TCF7L1: variants seen among roughly 807,000 people sequenced by gnomAD.
TCF7L1 encodes transcription factor 7 like 1.
A neutral mutation model predicts 63.7 loss-of-function variants in TCF7L1; 18 were observed. That is an observed-to-expected ratio of 0.28 (90% CI 0.20 to 0.42). The LOEUF (loss-of-function observed/expected upper bound fraction) is 0.42, where lower values mean the gene tolerates loss of function less well. TCF7L1 is among the 10% of genes least tolerant of loss of function. The pLI is 1.00. For missense variants in TCF7L1, 654 were observed against 779.3 expected (o/e 0.84, Z 1.91); for synonymous variants, 355 against 340.9 (o/e 1.04, Z -0.46).
chr2:85,260,481 GA>G lies in TCF7L1; in HGVS notation c.442-23004del, dbSNP rs1306949210. Reference sequence around the variant, plus strand: ...GTGAGACCTCGTCTCTACAATACAGGAAAAAAAAAATTAGCAGGGCATGGTG... The same window carrying G: ...GTGAGACCTCGTCTCTACAATACAGGAAAAAAAAATTAGCAGGGCATGGTG... On this transcript the variant is annotated intron_variant, in intron 3 of 11. Transcript: ENST00000282111. Among the ~76,000 whole-genome samples, 4 of 149,370 alleles carry G rather than the reference GA, an allele frequency of 2.7e-5. No homozygotes were observed. The East Asian group carries it at 5.9e-4, about 22-fold the overall frequency.
intron 4 of TCF7L1, among the ~76,000 whole-genome samples, chr2:85,300,008 T>C (rs1436818465): frequency 6.6e-6 from 1 of 152,162 alleles, no homozygotes; most frequent in Non-Finnish European, 1.5e-5. Context: ...GATACAATTA[T>C]GATATAGTTT....
At chr2:85,177,146 TG>T (rs1678693627) in intron 3 of TCF7L1, among the ~76,000 whole-genome samples, 3 of 152,150 alleles carry the variant, frequency 2.0e-5, no homozygotes, top group African/African-American at 7.2e-5. Flanking sequence ...AGTTGCAGAC[TG>T]CTGACTTCTT....
chr2:85,180,778 C>A (rs978027119), intron 3 of TCF7L1, among the ~76,000 whole-genome samples: 10 of 152,218 alleles, frequency 6.6e-5, no homozygotes, highest in African/African-American at 2.2e-4. Context: ...GCAGCCCCAA[C>A]ACATAGGTTA....
intron 3 of TCF7L1, among the ~76,000 whole-genome samples, chr2:85,163,105 G>T (rs1432919940): frequency 6.6e-6 from 1 of 152,134 alleles, no homozygotes; most frequent in Non-Finnish European, 1.5e-5. Context: ...AACCCTGGCT[G>T]CACATTTGAA....
intron 3 of TCF7L1, among the ~76,000 whole-genome samples, chr2:85,219,669 C>T (rs1401949278): frequency 2.6e-5 from 4 of 152,034 alleles, no homozygotes; most frequent in Non-Finnish European, 5.9e-5. Flanking sequence ...CACTTGAACC[C>T]AGGAGTTTAA....
chr2:85,168,194 CA>C (rs2104231490), intron 3 of TCF7L1, among the ~76,000 whole-genome samples: 1 of 131,206 alleles, frequency 7.6e-6, no homozygotes, highest in African/African-American at 3.2e-5. Flanking sequence ...TCTTACCAAA[CA>C]CACACACACA....
At chr2:85,262,390 AAG>A in intron 3 of TCF7L1, 1 of 399,502 alleles carries the variant, frequency 2.5e-6, no homozygotes, top group South Asian at 2.1e-5. Flanking sequence ...CGTCTCTTAA[AAG>A]AAAAAAAAAA....
At chr2:85,200,141 C>G (rs528353638) in intron 3 of TCF7L1, among the ~76,000 whole-genome samples, 1 of 152,092 alleles carries the variant, frequency 6.6e-6, no homozygotes. Context: ...TTTTGTTTGT[C>G]GATTCATCCA....
At chr2:85,190,859 T>C (rs903962684) in intron 3 of TCF7L1, among the ~76,000 whole-genome samples, 14 of 152,098 alleles carry the variant, frequency 9.2e-5, no homozygotes, top group Non-Finnish European at 2.1e-4. Context: ...ATTATTCCCA[T>C]TTATGGACGC....
intron 3 of TCF7L1, among the ~76,000 whole-genome samples, chr2:85,218,868 A>C (rs1679775614): frequency 6.6e-6 from 1 of 152,190 alleles, no homozygotes; most frequent in South Asian, 2.1e-4. Flanking sequence ...CATAATGGTG[A>C]ATAAGATGTT....
chr2:85,231,145 G>A (rs368252724), intron 3 of TCF7L1, among the ~76,000 whole-genome samples: 21 of 152,244 alleles, frequency 1.4e-4, no homozygotes, highest in African/African-American at 3.4e-4. Context: ...TCTAATGTGC[G>A]CCCCCAGGAA....
At chr2:85,266,109 C>T (rs1307885664) in intron 3 of TCF7L1, among the ~76,000 whole-genome samples, 1 of 152,198 alleles carries the variant, frequency 6.6e-6, no homozygotes, top group Non-Finnish European at 1.5e-5. Context: ...AAACACCTTT[C>T]TGTTTCTGTA....
At chr2:85,153,404 C>T (rs1291596865) in intron 3 of TCF7L1, among the ~76,000 whole-genome samples, 6 of 131,918 alleles carry the variant, frequency 4.5e-5, no homozygotes, top group African/African-American at 1.8e-4. Context: ...TACAGTGGCA[C>T]GATCTTGGCT....
chr2:85,177,839 C>T (rs891631578), intron 3 of TCF7L1, among the ~76,000 whole-genome samples: 7 of 152,124 alleles, frequency 4.6e-5, no homozygotes, highest in African/African-American at 1.7e-4. Flanking sequence ...AAAATCAAAG[C>T]ATAGGTACAC....
chr2:85,201,937 TTTTATTTATTTA>T (rs138595337), intron 3 of TCF7L1, among the ~76,000 whole-genome samples: 8 of 150,398 alleles, frequency 5.3e-5, no homozygotes, highest in East Asian at 3.9e-4. Flanking sequence ...TCTTTTGACT[TTTTATTTATTTA>T]TTTATTTATT....
At chr2:85,258,763 G>T (rs1394710827) in intron 3 of TCF7L1, among the ~76,000 whole-genome samples, 1 of 152,174 alleles carries the variant, frequency 6.6e-6, no homozygotes, top group Non-Finnish European at 1.5e-5. Context: ...TGGGGGGGCT[G>T]TCTGCATGCC....
intron 3 of TCF7L1, among the ~76,000 whole-genome samples, chr2:85,223,818 T>C (rs779258245): frequency 2.6e-4 from 40 of 152,352 alleles, no homozygotes; most frequent in Non-Finnish European, 5.4e-4. Flanking sequence ...CTTTAAGTTC[T>C]AGGATACATG....
chr2:85,281,632 C>T (rs868234261), intron 3 of TCF7L1, among the ~76,000 whole-genome samples: 1 of 152,156 alleles, frequency 6.6e-6, no homozygotes, highest in South Asian at 2.1e-4. Context: ...GGTGACACCC[C>T]ATTTGAGGGC....
intron 3 of TCF7L1, among the ~76,000 whole-genome samples, chr2:85,215,620 G>A (rs1679682864): frequency 6.6e-6 from 1 of 152,130 alleles, no homozygotes; most frequent in Admixed American, 6.5e-5. Context: ...AATGGCCGGG[G>A]GTGGGAGCAC....
Sources: gnomAD v4.1 joint callset for allele counts (sites outside exome capture counted in the v4.1 genomes callset) on GRCh38, gnomAD v4.1.1 for gene constraint, MANE v1.5 for transcripts, NCBI Gene and HGNC (gene_info 2026-07-23, HGNC 2026-07-21) for gene names.